IL5RA: variants seen among roughly 807,000 people sequenced by gnomAD.
IL5RA encodes the protein interleukin 5 receptor subunit alpha, also known as interleukin-5 receptor subunit alpha.
A neutral mutation model predicts 50.0 loss-of-function variants in IL5RA; 49 were observed. That is an observed-to-expected ratio of 0.98 (90% CI 0.78 to 1.24). The LOEUF is 1.24. Among genes scored for constraint, IL5RA ranks in the 50% most tolerant of loss-of-function variants. The pLI is 0.00. For synonymous variants in IL5RA, 202 were observed against 174.0 expected (o/e 1.16, Z -1.26); for missense variants, 600 against 500.4 (o/e 1.20, Z -1.90).
At chr3:3,083,549 G>T (rs1261450616) in intron 9 of IL5RA, among the ~76,000 whole-genome samples, 5 of 152,174 alleles carry the variant, frequency 3.3e-5, no homozygotes, top group Non-Finnish European at 7.3e-5. Flanking sequence ...GAAGTTGAGT[G>T]GGGAATTCCT....
chr3:3,100,980 C>CAATAATAAT lies in IL5RA; in HGVS notation c.367+703_367+711dup, dbSNP rs35949387. 3.8e-3 allele frequency among the ~76,000 whole-genome samples: 537 copies of CAATAATAAT among 141,708 alleles called. 5 individuals carry two copies. Among genetic ancestry groups the CAATAATAAT allele is most frequent in the Middle Eastern group, 7.5e-3 (2 of 266 alleles). 93.0% of individuals were successfully genotyped at this position (141,708 alleles called of 152,430 possible). On this transcript the variant is annotated intron_variant, in intron 5 of 11. Coordinates refer to ENST00000446632, the MANE Select transcript of IL5RA (RefSeq NM_175726.4). The stretch of plus-strand genomic sequence containing the variant: ...TGGCCAACATGGCAAAACCCCATCT[C>CAATAATAAT]AATAATAATAATAATAATAATAATA...
rs141849082 is a variant in IL5RA at position 3,074,814 on chromosome 3, T to C, written c.1144A>G (p.Ile382Val). 105 of 1,609,612 alleles carry C rather than the reference T, an allele frequency of 6.5e-5. 1 individual carries two copies. The African/African-American group carries it at 1.3e-3, about 19-fold the overall frequency. ...TTAGTGGTTACAAAGAGATCTTTGATATTACTTTTTGGTGCTGGAATTGGT... is the reference window on the plus strand; with the variant it reads ...TTAGTGGTTACAAAGAGATCTTTGACATTACTTTTTGGTGCTGGAATTGGT... ...FPPIPAPKSN[I>V]KDLFVTTNYE... The change falls in exon 11 of 12, where the codon ATC becomes GTC. Residue 382 changes from isoleucine to valine, a missense_variant. Coordinates refer to ENST00000446632, the MANE Select transcript of IL5RA (RefSeq NM_175726.4).
chr3:3,070,573 A>ATTTTTTTT (rs1559858173), intron 11 of IL5RA, among the ~76,000 whole-genome samples: 1 of 106,232 alleles, frequency 9.4e-6, no homozygotes, highest in Non-Finnish European at 1.9e-5. Flanking sequence ...ATGGATACAC[A>ATTTTTTTT]TCTTTTTTTT....
intron 4 of IL5RA, among the ~76,000 whole-genome samples, chr3:3,102,470 A>G (rs192528504): frequency 1.6e-4 from 24 of 152,304 alleles, no homozygotes; most frequent in African/African-American, 5.5e-4. Context: ...AAAAGTTAAA[A>G]TATTCTGTGA....
Position 3,067,451 on chromosome 3 carries a change from C to T in IL5RA, c.*2774G>A, listed in dbSNP as rs1217779461. The T allele has an allele frequency of 2.0e-5, 3 of 152,214 alleles. No homozygotes were observed. Among genetic ancestry groups the T allele is most frequent in the South Asian group, 2.1e-4 (1 of 4,832 alleles). The allele number at this position is 152,214 out of a possible 1,614,324, so 9.4% of individuals were successfully genotyped here. On this transcript the variant is annotated 3_prime_UTR_variant, in exon 12 of 12. Coordinates refer to ENST00000446632, the MANE Select transcript of IL5RA (RefSeq NM_175726.4). ...GTCCTAGACACTGCAGATAAAAAGA[C>T]GTATTTCACACAAGCTCCATCCTCC...
At position 3,068,974 on chromosome 3, in the gene IL5RA, C is replaced by G. The variant is rs1240679531; in HGVS notation, c.*1251G>C. 6.6e-6 allele frequency: 1 copy of G among 152,178 alleles called. No homozygotes were observed. Among genetic ancestry groups the G allele is most frequent in the Non-Finnish European group, 1.5e-5 (1 of 68,024 alleles). The allele number at this position is 152,178 out of a possible 1,614,324, so 9.4% of individuals were successfully genotyped here. A position where few individuals can be genotyped will look rare whatever the true frequency, so the allele number is the denominator to read the frequency against. ...GATAATTACAGGTTAGTTAAGAAAA[C>G]AAACAAACCTGGAAATATATGGTAG... On this transcript the variant is annotated 3_prime_UTR_variant, in exon 12 of 12. Transcript: ENST00000446632.
At chr3:3,076,502 G>T in intron 10 of IL5RA, 29 bp downstream of exon 10, 1 of 1,413,284 alleles carries the variant, frequency 7.1e-7, no homozygotes, top group Non-Finnish European at 1.0e-6. Flanking sequence ...AAACCCCACT[G>T]CAAGCACGCA....
chr3:3,079,937 G>C (rs557099195), intron 9 of IL5RA, among the ~76,000 whole-genome samples: 1 of 152,232 alleles, frequency 6.6e-6, no homozygotes, highest in East Asian at 1.9e-4. Context: ...GGGAGGCTGA[G>C]GCAGGAGGAT....
At chr3:3,075,013 G>C in intron 10 of IL5RA, 147 bp from the exon 11 acceptor site, 1 of 617,568 alleles carries the variant, frequency 1.6e-6, no homozygotes, top group Non-Finnish European at 2.9e-6. Context: ...CAAAATTATA[G>C]GTGAAGACTT....
chr3:3,074,689 CCTTATAATATAGAAAA>C (rs1553747923), intron 11 of IL5RA, 77 bp downstream of exon 11: 3 of 690,458 alleles, frequency 4.3e-6, no homozygotes, highest in Non-Finnish European at 7.6e-6. Flanking sequence ...AAAAACCCTG[CCTTATAATATAGAAAA>C]CTAAGAACCG....
At chr3:3,087,276 G>T (rs1394872405) in intron 9 of IL5RA, among the ~76,000 whole-genome samples, 1 of 152,126 alleles carries the variant, frequency 6.6e-6, no homozygotes, top group Non-Finnish European at 1.5e-5. Flanking sequence ...GGACAGGAGA[G>T]CCAATCAGGC....
intron 3 of IL5RA, among the ~76,000 whole-genome samples, chr3:3,104,279 T>C (rs1373567948): frequency 6.6e-6 from 1 of 152,204 alleles, no homozygotes; most frequent in East Asian, 1.9e-4. Context: ...CTTCAAGTGA[T>C]CCACCTGCCC....
chr3:3,101,322 C>A (rs1465495909), intron 5 of IL5RA, among the ~76,000 whole-genome samples: 1 of 152,164 alleles, frequency 6.6e-6, no homozygotes, highest in Non-Finnish European at 1.5e-5. Context: ...CTGACCAAGA[C>A]AATGGTTATT....
At chr3:3,076,128 T>A (rs991650577) in intron 10 of IL5RA, among the ~76,000 whole-genome samples, 2 of 152,102 alleles carry the variant, frequency 1.3e-5, no homozygotes, top group African/African-American at 4.8e-5. Context: ...CTGAGGATGA[T>A]GACATGCAGG....
intron 3 of IL5RA, among the ~76,000 whole-genome samples, chr3:3,104,044 T>A (rs1703788315): frequency 6.6e-6 from 1 of 152,240 alleles, no homozygotes; most frequent in Non-Finnish European, 1.5e-5. Flanking sequence ...ATTTAATTAA[T>A]CAATTAATTT....
rs1702162953 is a variant in IL5RA, at chr3:3,067,404, A to G, written c.*2821T>C. 1 of 152,200 alleles carries G rather than the reference A, an allele frequency of 6.6e-6. No individual in the cohort carries two copies. Among genetic ancestry groups the G allele is most frequent in the Non-Finnish European group, 1.5e-5 (1 of 68,052 alleles). The allele number at this position is 152,200 out of a possible 1,614,324, so 9.4% of individuals were successfully genotyped here. A position where few individuals can be genotyped will look rare whatever the true frequency, so the allele number is the denominator to read the frequency against. Reference sequence around the variant, plus strand: ...CTGACAGAGGGTTTAAGAAACATTTATATTTTCTTAAGTCAGATACTGTCC... The same window carrying G: ...CTGACAGAGGGTTTAAGAAACATTTGTATTTTCTTAAGTCAGATACTGTCC... On this transcript the variant is annotated 3_prime_UTR_variant, in exon 12 of 12. Coordinates refer to ENST00000446632, the MANE Select transcript of IL5RA (RefSeq NM_175726.4).
chr3:3,086,068 G>T (rs1370657588), intron 9 of IL5RA, among the ~76,000 whole-genome samples: 1 of 152,168 alleles, frequency 6.6e-6, no homozygotes, highest in East Asian at 1.9e-4. Context: ...TTTGCTTTCA[G>T]TGAGGTCAAA....
rs1165871520 is a variant in IL5RA at position 3,076,514 on chromosome 3, A to G, written c.1091+17T>C. Reference sequence around the variant, plus strand: ...CTGAAACCCCACTGCAAGCACGCAAATGTAAAGAACACTTACATTTTACAG... The same window carrying G: ...CTGAAACCCCACTGCAAGCACGCAAGTGTAAAGAACACTTACATTTTACAG... On this transcript the variant is annotated intron_variant, in intron 10 of 11. Coordinates refer to ENST00000446632, the MANE Select transcript of IL5RA (RefSeq NM_175726.4). 1.3e-6 allele frequency: 2 copies of G among 1,532,830 alleles called. No homozygotes were observed. Among genetic ancestry groups the G allele is most frequent in the African/African-American group, 2.7e-5 (2 of 73,220 alleles). 95.0% of individuals were successfully genotyped at this position (1,532,830 alleles called of 1,614,324 possible).
chr3:3,073,279 G>A (rs1376229495), intron 11 of IL5RA, among the ~76,000 whole-genome samples: 2 of 152,166 alleles, frequency 1.3e-5, no homozygotes, highest in East Asian at 1.9e-4. Flanking sequence ...CAGTCACCAG[G>A]TGGTTCATCC....
Sources: gnomAD v4.1 joint callset for allele counts (sites outside exome capture counted in the v4.1 genomes callset) on GRCh38, gnomAD v4.1.1 for gene constraint, MANE v1.5 for transcripts, NCBI Gene and HGNC (gene_info 2026-07-23, HGNC 2026-07-21) for gene names.